Variants in HSD17B12 observed in about 807,000 individuals in gnomAD.
The protein encoded by HSD17B12 is very-long-chain 3-oxoacyl-CoA reductase.
HSD17B12 carries 32 observed loss-of-function variants against 39.3 expected under a neutral mutation model. The ratio of observed to expected loss-of-function variants is 0.81; its 90% CI spans 0.61 to 1.09. The LOEUF is 1.09. Ranked by LOEUF, HSD17B12 falls within the 50% of genes least tolerant of loss-of-function variation. The pLI, the probability that HSD17B12 is intolerant of heterozygous loss-of-function variation, is 0.00. For missense variants in HSD17B12, 342 were observed against 382.9 expected (o/e 0.89, Z 0.89); for synonymous variants, 150 against 146.7 (o/e 1.02, Z -0.16).
Position 43,705,568 on chromosome 11 carries a change from T to G in HSD17B12, c.160+24581T>G, listed in dbSNP as rs143939295. Among the ~76,000 whole-genome samples the G allele has an allele frequency of 1.4e-4, 21 of 152,206 alleles. No homozygotes were observed. In the East Asian group the frequency reaches 4.1e-3, roughly 29 times the overall value. On this transcript the variant is annotated intron_variant, in intron 1 of 10. Coordinates refer to ENST00000278353, the MANE Select transcript of HSD17B12 (RefSeq NM_016142.3). ...GTTACTGTCCTTTGTGCATATTTCT[T>G]TCTAATTACGTTCCAAATCCAATAA...
the HSD17B12 span, among the ~76,000 whole-genome samples, chr11:43,634,104 A>AAAAAAAAAAAAAAAAAAC: frequency 7.3e-6 from 1 of 136,888 alleles, no homozygotes; most frequent in Non-Finnish European, 1.6e-5. Flanking sequence ...AAAAAAAAAA[A>AAAAAAAAAAAAAAAAAAC]AAAAAGAAAG....
chr11:43,683,491 C>G (rs1403210885), intron 1 of HSD17B12, among the ~76,000 whole-genome samples: 2 of 151,916 alleles, frequency 1.3e-5, no homozygotes, highest in African/African-American at 4.8e-5. Context: ...AAATTAAGAG[C>G]AGCTCATCTT....
At chr11:43,785,356 C>T (rs545928108) in intron 3 of HSD17B12, among the ~76,000 whole-genome samples, 25 of 152,196 alleles carry the variant, frequency 1.6e-4, no homozygotes, top group East Asian at 5.8e-4. Flanking sequence ...TTGAATACAG[C>T]GACAGAACAA....
the HSD17B12 span, chr11:43,579,452 G>C: frequency 6.6e-6 from 1 of 152,410 alleles, no homozygotes; most frequent in Non-Finnish European, 1.5e-5. Context: ...CGGCAGGAGA[G>C]GGGCTGCTTC....
chr11:43,592,824 T>G, the HSD17B12 span, among the ~76,000 whole-genome samples: 2 of 152,120 alleles, frequency 1.3e-5, no homozygotes, highest in Non-Finnish European at 1.5e-5. Context: ...TGCTTGCTAA[T>G]TTTTCTTTCT....
chr11:43,849,753 T>C (rs1951513755), intron 9 of HSD17B12, among the ~76,000 whole-genome samples: 1 of 152,224 alleles, frequency 6.6e-6, no homozygotes, highest in Non-Finnish European at 1.5e-5. Context: ...TATTATTTGT[T>C]TGTGGTCTAT....
At chr11:43,595,153 A>G in the HSD17B12 span, among the ~76,000 whole-genome samples, 1 of 152,260 alleles carries the variant, frequency 6.6e-6, no homozygotes, top group Non-Finnish European at 1.5e-5. Context: ...CTATAACAGC[A>G]GAAGAGTCAA....
At chr11:43,712,201 G>C (rs944989552) in intron 1 of HSD17B12, among the ~76,000 whole-genome samples, 1 of 152,090 alleles carries the variant, frequency 6.6e-6, no homozygotes. Context: ...GGCGGAGGCG[G>C]GCAGATCACG....
intron 1 of HSD17B12, among the ~76,000 whole-genome samples, chr11:43,749,717 T>C (rs889224628): frequency 6.6e-6 from 1 of 151,940 alleles, no homozygotes; most frequent in African/African-American, 2.4e-5. Flanking sequence ...GAGATATGGC[T>C]AGGGAGACTA....
At chr11:43,605,427 G>A in the HSD17B12 span, among the ~76,000 whole-genome samples, 176 of 152,182 alleles carry the variant, frequency 1.2e-3, no homozygotes, top group Middle Eastern at 0.02. Flanking sequence ...CGTGTGTGGT[G>A]GCATATGACT....
the HSD17B12 span, among the ~76,000 whole-genome samples, chr11:43,565,004 A>G: frequency 6.6e-6 from 1 of 151,744 alleles, no homozygotes; most frequent in South Asian, 2.1e-4. Flanking sequence ...GGTTCAAGCA[A>G]TTCTCCTGCC....
At chr11:43,660,512 A>T in the HSD17B12 span, among the ~76,000 whole-genome samples, 1 of 152,230 alleles carries the variant, frequency 6.6e-6, no homozygotes, top group Non-Finnish European at 1.5e-5. Flanking sequence ...TTAAAGTCAC[A>T]TTGAGACACC....
chr11:43,569,321 C>G, the HSD17B12 span: 1 of 152,198 alleles, frequency 6.6e-6, no homozygotes, highest in Non-Finnish European at 1.5e-5. Context: ...CTGATAACAA[C>G]ACAGAAATAA....
chr11:43,790,998 A>G (rs1291016116), intron 3 of HSD17B12, among the ~76,000 whole-genome samples: 1 of 151,926 alleles, frequency 6.6e-6, no homozygotes. Flanking sequence ...CCATCTCAAA[A>G]AAACAAAAAA....
At chr11:43,618,227 A>G in the HSD17B12 span, among the ~76,000 whole-genome samples, 1 of 152,230 alleles carries the variant, frequency 6.6e-6, no homozygotes, top group East Asian at 1.9e-4. Flanking sequence ...AAGACTAATA[A>G]CAACAAGATA....
intron 6 of HSD17B12, among the ~76,000 whole-genome samples, chr11:43,823,707 C>G (rs999663862): frequency 6.6e-6 from 1 of 151,956 alleles, no homozygotes; most frequent in Non-Finnish European, 1.5e-5. Flanking sequence ...AGGTGCACAA[C>G]ACATTTTTTT....
chr11:43,584,175 G>A, the HSD17B12 span, among the ~76,000 whole-genome samples: 2 of 152,028 alleles, frequency 1.3e-5, no homozygotes, highest in Non-Finnish European at 1.5e-5. Flanking sequence ...TCCCTTTATC[G>A]GCCCTCTTGT....
intron 1 of HSD17B12, among the ~76,000 whole-genome samples, chr11:43,695,782 C>T (rs532859253): frequency 6.6e-6 from 1 of 152,068 alleles, no homozygotes; most frequent in Admixed American, 6.5e-5. Context: ...TCTGGATGAC[C>T]TTTGTAGTAA....
At chr11:43,687,516 G>A (rs963785864) in intron 1 of HSD17B12, among the ~76,000 whole-genome samples, 2 of 152,220 alleles carry the variant, frequency 1.3e-5, no homozygotes, top group African/African-American at 2.4e-5. Context: ...AGATCTGGCG[G>A]TTGAGTGTAA....
Sources: gnomAD v4.1 joint callset for allele counts (sites outside exome capture counted in the v4.1 genomes callset) on GRCh38, gnomAD v4.1.1 for gene constraint, MANE v1.5 for transcripts, NCBI Gene and HGNC (gene_info 2026-07-23, HGNC 2026-07-21) for gene names.